Variants in RBFOX1 observed in about 807,000 individuals in gnomAD.
RBFOX1 encodes RNA binding fox-1 homolog 1, also known as RNA binding protein fox-1 homolog 1.
Under a neutral mutation model 57.7 loss-of-function variants are expected in RBFOX1, and 8 were observed. The ratio of observed to expected loss-of-function variants is 0.14; its 90% confidence interval spans 0.08 to 0.25. The LOEUF (loss-of-function observed/expected upper bound fraction) is 0.25. RBFOX1 is among the 10% of genes least tolerant of loss of function. RBFOX1 has a pLI of 1.00. For missense variants in RBFOX1, 611 were observed against 548.5 expected (o/e 1.11, Z -1.14); for synonymous variants, 326 against 222.4 (o/e 1.47, Z -4.15).
chr16:6,245,482 A>T (rs2097564108), intron 1 of RBFOX1, among the ~76,000 whole-genome samples: 2 of 152,206 alleles, frequency 1.3e-5, no homozygotes, highest in Admixed American at 1.3e-4. Flanking sequence ...AGACCACAGC[A>T]GACCAATGAC....
intron 4 of RBFOX1, among the ~76,000 whole-genome samples, chr16:7,301,855 C>A (rs1243012727): frequency 6.6e-6 from 1 of 151,926 alleles, no homozygotes; most frequent in Non-Finnish European, 1.5e-5. Flanking sequence ...GAATGGTTGG[C>A]CTTTTATTCC....
chr16:6,220,874 C>T (rs2097368673), intron 1 of RBFOX1, among the ~76,000 whole-genome samples: 1 of 152,038 alleles, frequency 6.6e-6, no homozygotes, highest in Non-Finnish European at 1.5e-5. Flanking sequence ...TTAAAATAAA[C>T]ATTGTCCTAT....
chr16:6,955,413 T>G (rs1260216040), intron 3 of RBFOX1, among the ~76,000 whole-genome samples: 1 of 151,946 alleles, frequency 6.6e-6, no homozygotes, highest in Non-Finnish European at 1.5e-5. Flanking sequence ...GTTCTGGACT[T>G]ACTGATTAAT....
rs958431217 is a variant in RBFOX1 at position 7,087,265 on chromosome 16, C to T, written c.27+35167C>T. ...GCCTCCCAGAGTCACCGGCTCTGTG[C>T]AGATGGGCTTGCCTCAAGAGGATCG... On this transcript the variant is annotated intron_variant, in intron 4 of 15. Transcript: ENST00000550418. Among the ~76,000 whole-genome samples the T allele has an allele frequency of 6.6e-5, 10 of 152,294 alleles. No homozygotes were observed. The East Asian group carries it at 1.9e-3, about 29-fold the overall frequency.
chr16:6,493,999 T>G (rs1413759992), intron 2 of RBFOX1, among the ~76,000 whole-genome samples: 1 of 152,234 alleles, frequency 6.6e-6, no homozygotes, highest in Admixed American at 6.5e-5. Context: ...AGGTTGGCGA[T>G]CATTCCAGTG....
intron 2 of RBFOX1, among the ~76,000 whole-genome samples, chr16:6,416,391 G>T (rs914942905): frequency 3.9e-5 from 6 of 152,098 alleles, no homozygotes; most frequent in Non-Finnish European, 1.5e-5. Flanking sequence ...TTCTCCATGG[G>T]GAAATGGCCA....
At chr16:6,075,975 C>CT (rs2095893317) in intron 1 of RBFOX1, among the ~76,000 whole-genome samples, 1 of 152,132 alleles carries the variant, frequency 6.6e-6, no homozygotes, top group East Asian at 1.9e-4. Context: ...GAAACAGAGG[C>CT]TTATCTTCTG....
intron 4 of RBFOX1, among the ~76,000 whole-genome samples, chr16:7,479,214 C>G (rs960563166): frequency 6.7e-6 from 1 of 150,112 alleles, no homozygotes; most frequent in Non-Finnish European, 1.5e-5. Context: ...ACTTCTGCCT[C>G]CCGAGTTGAG....
intron 2 of RBFOX1, among the ~76,000 whole-genome samples, chr16:6,354,287 A>G (rs1296996802): frequency 2.0e-5 from 3 of 152,106 alleles, no homozygotes; most frequent in South Asian, 2.1e-4. Context: ...TTTCCGAAAC[A>G]TGTTTCAGAG....
intron 2 of RBFOX1, among the ~76,000 whole-genome samples, chr16:5,496,127 A>G (rs985828868): frequency 7.7e-5 from 10 of 129,054 alleles, no homozygotes; most frequent in Non-Finnish European, 1.8e-4. Context: ...CTCCATCTCA[A>G]AAAGAAAAGA....
chr16:6,430,288 C>G (rs1237090395), intron 2 of RBFOX1, among the ~76,000 whole-genome samples: 1 of 152,132 alleles, frequency 6.6e-6, no homozygotes, highest in Non-Finnish European at 1.5e-5. Flanking sequence ...AAGACTCAGT[C>G]TCTCCTCTTG....
At position 5,517,848 on chromosome 16, in the gene RBFOX1, A is replaced by G. The variant is rs185282437; in HGVS notation, c.258+50594A>G. Reference sequence around the variant, plus strand: ...AATTGACTATTTTACATATATGTATACACACACACACACACGTACATATAC... The same window carrying G: ...AATTGACTATTTTACATATATGTATGCACACACACACACACGTACATATAC... On this transcript the variant is annotated intron_variant, in intron 2 of 2. Coordinates refer to the RBFOX1 transcript ENST00000585867. Among the ~76,000 whole-genome samples, 4 of 61,196 alleles carry G rather than the reference A, an allele frequency of 6.5e-5. No homozygotes were observed. The Admixed American group carries it at 8.2e-4, about 13-fold the overall frequency. 40.1% of individuals were successfully genotyped at this position (61,196 alleles called of 152,430 possible).
At chr16:5,331,162 C>T (rs570377169) in intron 1 of RBFOX1, among the ~76,000 whole-genome samples, 8 of 152,236 alleles carry the variant, frequency 5.3e-5, no homozygotes, top group South Asian at 2.1e-4. Flanking sequence ...TGGACTCCTC[C>T]GGATAGGGTA....
intron 1 of RBFOX1, among the ~76,000 whole-genome samples, chr16:6,082,290 C>G (rs1022438763): frequency 6.9e-6 from 1 of 145,582 alleles, no homozygotes; most frequent in African/African-American, 2.6e-5. Context: ...AAGCGATTCT[C>G]CTGCCTCAGC....
intron 2 of RBFOX1, among the ~76,000 whole-genome samples, chr16:6,602,313 T>A (rs2097862891): frequency 6.6e-6 from 1 of 152,198 alleles, no homozygotes. Flanking sequence ...TGCTAAAGTT[T>A]TTAATTCTGA....
At chr16:7,592,548 C>A (rs1016149753) in intron 7 of RBFOX1, among the ~76,000 whole-genome samples, 1 of 152,174 alleles carries the variant, frequency 6.6e-6, no homozygotes, top group African/African-American at 2.4e-5. Context: ...CCACCTGGCC[C>A]TCCAGCTATA....
chr16:5,297,064 G>C (rs1467520794), intron 1 of RBFOX1, among the ~76,000 whole-genome samples: 1 of 152,102 alleles, frequency 6.6e-6, no homozygotes, highest in Non-Finnish European at 1.5e-5. Flanking sequence ...ATGTTCTCCA[G>C]GTTCATCCAT....
intron 4 of RBFOX1, among the ~76,000 whole-genome samples, chr16:7,363,362 C>T (rs75818565): frequency 0.013 from 2,049 of 152,114 alleles, 44 homozygotes; most frequent in African/African-American, 0.046. Context: ...TTCTTCTGTC[C>T]AAGGGGGTAA....
chr16:6,406,275 C>G (rs1470775157), intron 2 of RBFOX1, among the ~76,000 whole-genome samples: 2 of 152,186 alleles, frequency 1.3e-5, no homozygotes, highest in Admixed American at 6.5e-5. Context: ...CTCCTGTCAT[C>G]TGGGACTCAT....
Sources: gnomAD v4.1 joint callset for allele counts (sites outside exome capture counted in the v4.1 genomes callset) on GRCh38, gnomAD v4.1.1 for gene constraint, MANE v1.5 for transcripts, NCBI Gene and HGNC (gene_info 2026-07-23, HGNC 2026-07-21) for gene names.